TMEM131: variants seen among roughly 807,000 people sequenced by gnomAD.
TMEM131 encodes transmembrane protein 131.
Under a neutral mutation model 211.6 loss-of-function variants are expected in TMEM131, and 66 were observed. The ratio of observed to expected loss-of-function variants is 0.31; its 90% confidence interval spans 0.26 to 0.38. The LOEUF is 0.38. Among genes scored for constraint, TMEM131 ranks in the 10% least tolerant of loss-of-function variants. TMEM131 has a pLI of 1.00. For synonymous variants in TMEM131, 844 were observed against 841.3 expected, an observed-to-expected ratio of 1.00 and a Z score of -0.06; for missense variants, 2,036 against 2,299.3, an observed-to-expected ratio of 0.89 and a Z score of 2.34.
In TMEM131 at chr2:97,757,092, G is replaced by A; in HGVS notation, c.*7C>T. The A allele has an allele frequency of 6.4e-7, 1 of 1,569,778 alleles. No homozygotes were observed. Among genetic ancestry groups the A allele is most frequent in the South Asian group, 1.2e-5 (1 of 85,412 alleles). ...GGCCCACTATGTTTGTTTGTTTTTT[G>A]CTTAATTTAATTCTCGTGAGGAAAG... On this transcript the variant is annotated 3_prime_UTR_variant, in exon 41 of 41. Coordinates refer to ENST00000186436, the MANE Select transcript of TMEM131 (RefSeq NM_015348.2).
intron 4 of TMEM131, among the ~76,000 whole-genome samples, chr2:97,877,624 A>C (rs1674752331): frequency 6.6e-6 from 1 of 152,244 alleles, no homozygotes; most frequent in South Asian, 2.1e-4. Flanking sequence ...CCTATTTAAT[A>C]AATGGTGTTG....
chr2:97,800,741 A>G lies in TMEM131; in HGVS notation c.2718+1154T>C, dbSNP rs143844439. On this transcript the variant is annotated intron_variant, in intron 25 of 40. Transcript: ENST00000186436. The stretch of plus-strand genomic sequence containing the variant: ...CATTGCACTCCAGCCTGGGTGACAG[A>G]GCCAGACTGTCTCAGAAGAAAAAAA... 6.2e-3 allele frequency among the ~76,000 whole-genome samples: 946 copies of G among 152,082 alleles called. 13 individuals carry two copies. Among genetic ancestry groups the G allele is most frequent in the African/African-American group, 0.02 (824 of 41,492 alleles).
intron 29 of TMEM131, among the ~76,000 whole-genome samples, chr2:97,794,505 A>G (rs1680669334): frequency 6.6e-6 from 1 of 152,156 alleles, no homozygotes; most frequent in Non-Finnish European, 1.5e-5. Context: ...TAAATATGTA[A>G]ATTAGTTTAG....
intron 11 of TMEM131, among the ~76,000 whole-genome samples, chr2:97,823,129 C>T (rs1682209153): frequency 6.6e-6 from 1 of 152,096 alleles, no homozygotes; most frequent in Non-Finnish European, 1.5e-5. Flanking sequence ...CACAGGAGGA[C>T]CTCTCAGCTT....
chr2:97,914,047 C>T (rs1173277324), intron 2 of TMEM131, among the ~76,000 whole-genome samples: 2 of 152,164 alleles, frequency 1.3e-5, no homozygotes, highest in African/African-American at 4.8e-5. Context: ...AATCCTACTT[C>T]TTATCAACCC....
intron 3 of TMEM131, chr2:97,907,061 G>A (rs898372352): frequency 7.2e-5 from 11 of 152,166 alleles, no homozygotes; most frequent in Admixed American, 4.6e-4. Context: ...TTTCCTAATT[G>A]CTGGAATAAA....
At chr2:97,937,368 G>A (rs561646088) in intron 1 of TMEM131, among the ~76,000 whole-genome samples, 16 of 152,226 alleles carry the variant, frequency 1.1e-4, no homozygotes, top group African/African-American at 3.9e-4. Context: ...AGATTATCCA[G>A]TCTGGGAAAC....
chr2:97,988,429 C>T (rs1680123141), intron 1 of TMEM131, among the ~76,000 whole-genome samples: 2 of 152,074 alleles, frequency 1.3e-5, no homozygotes, highest in Admixed American at 6.5e-5. Context: ...ACACCAAAAG[C>T]AAAAGTAACT....
chr2:97,972,127 GA>G (rs1679323925), intron 1 of TMEM131, among the ~76,000 whole-genome samples: 1 of 152,160 alleles, frequency 6.6e-6, no homozygotes, highest in African/African-American at 2.4e-5. Flanking sequence ...AGAATCCCTT[GA>G]ACCTGGGAGG....
At chr2:97,773,271 C>T (rs547331738) in intron 32 of TMEM131, among the ~76,000 whole-genome samples, 2 of 152,334 alleles carry the variant, frequency 1.3e-5, no homozygotes, top group African/African-American at 2.4e-5. Context: ...AGTTCATCCA[C>T]ACACATTTAC....
At chr2:97,882,588 C>A (rs780916202) in intron 4 of TMEM131, among the ~76,000 whole-genome samples, 12 of 152,210 alleles carry the variant, frequency 7.9e-5, no homozygotes, top group Non-Finnish European at 1.8e-4. Context: ...GGACAAGAAA[C>A]TTCAGTCTGT....
At chr2:97,889,044 G>C (rs532702398) in intron 3 of TMEM131, among the ~76,000 whole-genome samples, 13 of 152,234 alleles carry the variant, frequency 8.5e-5, no homozygotes, top group African/African-American at 3.1e-4. Flanking sequence ...GGAGATACAA[G>C]AAATAATTAG....
chr2:97,818,316 G>A (rs887384359), intron 12 of TMEM131, among the ~76,000 whole-genome samples: 1 of 152,050 alleles, frequency 6.6e-6, no homozygotes, highest in Non-Finnish European at 1.5e-5. Flanking sequence ...CATAATATGT[G>A]TAAAAAGGCT....
At chr2:97,846,167 C>T (rs1274951145) in intron 5 of TMEM131, among the ~76,000 whole-genome samples, 4 of 152,202 alleles carry the variant, frequency 2.6e-5, no homozygotes, top group South Asian at 2.1e-4. Context: ...ATAATACCTA[C>T]GTTACATAAA....
At chr2:97,936,109 C>T (rs535860453) in intron 1 of TMEM131, among the ~76,000 whole-genome samples, 1 of 152,312 alleles carries the variant, frequency 6.6e-6, no homozygotes, top group Admixed American at 6.5e-5. Context: ...TGACTCAGAG[C>T]TTTCCCACTG....
rs149963104 is a variant in TMEM131 at position 97,906,032 on chromosome 2, G to T, written c.290+2626C>A. On this transcript the variant is annotated intron_variant, in intron 3 of 40. Coordinates refer to ENST00000186436, the MANE Select transcript of TMEM131 (RefSeq NM_015348.2). ...AAAAGAAAGCTGTGCTTTTGAAGAG[G>T]GTCTTATAAACGGATGCTGTAAGCC... Among the ~76,000 whole-genome samples the T allele has an allele frequency of 6.2e-3, 951 of 152,226 alleles. 15 individuals carry two copies. Among genetic ancestry groups the T allele is most frequent in the African/African-American group, 0.02 (829 of 41,528 alleles).
chr2:97,855,732 T>C (rs1673815296), intron 5 of TMEM131, among the ~76,000 whole-genome samples: 1 of 151,856 alleles, frequency 6.6e-6, no homozygotes, highest in African/African-American at 2.4e-5. Context: ...TATTCTACTC[T>C]ACAATATGCT....
At chr2:97,931,045 C>T (rs1202369051) in intron 1 of TMEM131, among the ~76,000 whole-genome samples, 1 of 151,886 alleles carries the variant, frequency 6.6e-6, no homozygotes, top group Non-Finnish European at 1.5e-5. Context: ...ATCTGTGCTT[C>T]TAAACCCATC....
At chr2:97,954,047 T>C (rs2104542483) in intron 1 of TMEM131, among the ~76,000 whole-genome samples, 1 of 152,312 alleles carries the variant, frequency 6.6e-6, no homozygotes, top group South Asian at 2.1e-4. Context: ...ACAGTGACGC[T>C]TATATTAGAA....
Sources: allele counts gnomAD v4.1 joint callset (sites outside exome capture counted in the v4.1 genomes callset), GRCh38; gene constraint gnomAD v4.1.1; transcripts MANE v1.5; gene names NCBI Gene and HGNC (gene_info 2026-07-23, HGNC 2026-07-21).